The following PTP4A2 variants were observed in gnomAD, a reference collection of about 807,000 sequenced individuals.
The protein encoded by PTP4A2 is protein tyrosine phosphatase type IVA 2.
A neutral mutation model predicts 22.9 loss-of-function variants in PTP4A2; 2 were observed. That is an observed-to-expected ratio of 0.09 (90% CI 0.04 to 0.27). The LOEUF is 0.27. Among genes scored for constraint, PTP4A2 ranks in the 10% least tolerant of loss-of-function variants. The probability of loss-of-function intolerance (pLI) is 1.00; values close to 1 mark genes in which losing one functional copy is unlikely to be tolerated. For missense variants in PTP4A2, 103 were observed against 205.1 expected (o/e 0.50, Z 3.04); for synonymous variants, 68 against 69.1 (o/e 0.98, Z 0.08).
chr1:31,910,315 G>GTACCC, intron 4 of PTP4A2: 1 of 477,218 alleles, frequency 2.1e-6, no homozygotes, highest in Non-Finnish European at 3.8e-6. Flanking sequence ...AGGGGACAGG[G>GTACCC]TCTCGCTCTA....
chr1:31,906,757 C>CACACACACACAT lies in PTP4A2; in HGVS notation c.*2094_*2095insATGTGTGTGTGT, dbSNP rs1651188465. 3.9e-5 allele frequency: 1 copy of CACACACACACAT among 25,376 alleles called. No homozygotes were observed. The highest frequency in any genetic ancestry group is 1.1e-4 in the Non-Finnish European group (1 of 8,828). 1.6% of individuals were successfully genotyped at this position (25,376 alleles called of 1,614,324 possible). A position where few individuals can be genotyped will look rare whatever the true frequency, so the allele number is the denominator to read the frequency against. ...GCGTGCACACACACACACACACATA[C>CACACACACACAT]ACACACACACACACACACACACACA... On this transcript the variant is annotated 3_prime_UTR_variant, in exon 6 of 6. Coordinates refer to ENST00000647444, the MANE Select transcript of PTP4A2 (RefSeq NM_080391.4).
At chr1:31,926,458 A>G (rs960178170) in intron 1 of PTP4A2, among the ~76,000 whole-genome samples, 3 of 152,184 alleles carry the variant, frequency 2.0e-5, no homozygotes, top group Admixed American at 2.0e-4. Flanking sequence ...TGGTTTCAAC[A>G]ATCAGTCAAC....
At position 31,908,135 on chromosome 1, in the gene PTP4A2, TTATATTATATATATATATATA is replaced by T. The variant is rs1651295067; in HGVS notation, c.*696_*716del. 24 of 3,964 alleles carry T rather than the reference TTATATTATATATATATATATA, an allele frequency of 6.1e-3. 5 individuals are homozygous for T. The highest frequency in any genetic ancestry group is 9.8e-3 in the South Asian group (1 of 102). The allele number at this position is 3,964 out of a possible 1,614,324, so 0.2% of individuals were successfully genotyped here. ...GAAAATATATATATATATATATATATTATATTATATATATATATATATATATATATATATATATATATATAT... is the reference window on the plus strand; with the variant it reads ...GAAAATATATATATATATATATATATTATATATATATATATATATATATAT... On this transcript the variant is annotated 3_prime_UTR_variant, in exon 6 of 6. Transcript: ENST00000647444.
Position 31,907,731 on chromosome 1 carries a change from GT to G in PTP4A2, c.*1120del, listed in dbSNP as rs1212047044. ...CTTTGACGGTTCCTGAAAATTCAGA[GT>G]ACAAGTCCTAAAATAAAAATTTTAA... On this transcript the variant is annotated 3_prime_UTR_variant, in exon 6 of 6. Coordinates refer to ENST00000647444, the MANE Select transcript of PTP4A2 (RefSeq NM_080391.4). 6.6e-6 allele frequency: 1 copy of G among 152,046 alleles called. No individual in the cohort carries two copies. The highest frequency in any genetic ancestry group is 1.5e-5 in the Non-Finnish European group (1 of 68,000). The allele number at this position is 152,046 out of a possible 1,614,324, so 9.4% of individuals were successfully genotyped here.
chr1:31,907,274 T>A lies in PTP4A2; in HGVS notation c.*1578A>T, dbSNP rs1023201850. The A allele has an allele frequency of 1.3e-5, 2 of 152,224 alleles. No homozygotes were observed. The highest frequency in any genetic ancestry group is 4.8e-5 in the African/African-American group (2 of 41,442). 9.4% of individuals were successfully genotyped at this position (152,224 alleles called of 1,614,324 possible). On this transcript the variant is annotated 3_prime_UTR_variant, in exon 6 of 6. Transcript: ENST00000647444. ...CAGAGCCCTAGAAGCAGGGCACTACTGAGTACGTAATATTTAGAGGTGAAA... is the reference window on the plus strand; with the variant it reads ...CAGAGCCCTAGAAGCAGGGCACTACAGAGTACGTAATATTTAGAGGTGAAA...
chr1:31,916,064 G>A (rs1651813925), intron 2 of PTP4A2, 77 bp from the exon 3 acceptor site: 1 of 981,414 alleles, frequency 1.0e-6, no homozygotes, highest in African/African-American at 1.7e-5. Flanking sequence ...TACTATTATA[G>A]GCCGGGCGGG....
chr1:31,922,920 C>T (rs1341731962), intron 1 of PTP4A2, among the ~76,000 whole-genome samples: 1 of 151,804 alleles, frequency 6.6e-6, no homozygotes, highest in African/African-American at 2.4e-5. Flanking sequence ...CCGTGCCCGG[C>T]CCAAATACTT....
At chr1:31,918,629 G>A (rs1488287415) in intron 2 of PTP4A2, among the ~76,000 whole-genome samples, 2 of 152,186 alleles carry the variant, frequency 1.3e-5, no homozygotes, top group Admixed American at 1.3e-4. Context: ...GTGACCTTAA[G>A]CACAAACACT....
chr1:31,926,149 A>T (rs56914021), intron 1 of PTP4A2, among the ~76,000 whole-genome samples: 8,218 of 131,156 alleles, frequency 0.063, 405 homozygotes, highest in East Asian at 0.12. Context: ...AAAAAAAAAA[A>T]ATATATATAT....
chr1:31,932,247 G>C (rs1236775601), intron 1 of PTP4A2, among the ~76,000 whole-genome samples: 1 of 152,116 alleles, frequency 6.6e-6, no homozygotes, highest in Non-Finnish European at 1.5e-5. Flanking sequence ...GTCTTGAGAA[G>C]ACTAAAAGTT....
intron 1 of PTP4A2, among the ~76,000 whole-genome samples, chr1:31,924,963 T>C (rs1381147847): frequency 1.3e-5 from 2 of 152,060 alleles, no homozygotes; most frequent in Non-Finnish European, 2.9e-5. Flanking sequence ...TGATATGAAA[T>C]GACAGCTAAA....
At chr1:31,911,895 C>G (rs1375165130) in intron 3 of PTP4A2, 69 bp from the exon 4 acceptor site, 2 of 1,257,980 alleles carry the variant, frequency 1.6e-6, no homozygotes, top group East Asian at 5.0e-5. Flanking sequence ...TACAGAATAC[C>G]TGCACACAGT....
At position 31,908,821 on chromosome 1, in the gene PTP4A2, CA is replaced by C; in HGVS notation, c.*30del. On this transcript the variant is annotated 3_prime_UTR_variant, in exon 6 of 6. Transcript: ENST00000647444. ...TACCAAGAGTTCCCTCTAAATGGCA[CA>C]ATCAAGTCAGCCTTCGTTTACATTT... is the stretch of plus-strand genomic sequence containing the variant. 1 of 1,508,736 alleles carries C rather than the reference CA, an allele frequency of 6.6e-7. No homozygotes were observed. Among genetic ancestry groups the C allele is most frequent in the Non-Finnish European group, 9.2e-7 (1 of 1,088,874 alleles). 93.5% of individuals were successfully genotyped at this position (1,508,736 alleles called of 1,614,324 possible).
chr1:31,922,620 TTCTTTCTTTC>T (rs1301176238), intron 1 of PTP4A2, among the ~76,000 whole-genome samples: 1 of 149,530 alleles, frequency 6.7e-6, no homozygotes, highest in Non-Finnish European at 1.5e-5. Flanking sequence ...CTTTCTTTCT[TTCTTTCTTTC>T]TTTCTTTTAT....
At chr1:31,915,318 T>C (rs1323776531) in intron 3 of PTP4A2, among the ~76,000 whole-genome samples, 2 of 152,122 alleles carry the variant, frequency 1.3e-5, no homozygotes, top group Non-Finnish European at 1.5e-5. Flanking sequence ...TATTTTCCAC[T>C]ACAACCTTAA....
At chr1:31,914,888 A>G (rs1651742670) in intron 3 of PTP4A2, among the ~76,000 whole-genome samples, 1 of 152,230 alleles carries the variant, frequency 6.6e-6, no homozygotes, top group African/African-American at 2.4e-5. Flanking sequence ...TAATCATACT[A>G]AAGCTCCTCA....
intron 2 of PTP4A2, among the ~76,000 whole-genome samples, chr1:31,916,345 C>CA (rs1167002913): frequency 0.15 from 5,122 of 35,232 alleles, 669 homozygotes; most frequent in Non-Finnish European, 0.22. Flanking sequence ...ACTCCGTCTC[C>CA]AAAAAAAAAA....
chr1:31,928,967 T>C lies in PTP4A2; in HGVS notation c.-594+9020A>G, dbSNP rs140055528. ...TCTGAGAACAGTGACAGTTATTCACTGAAGTCCTGTGGGCCCTGTTCCCAC... is the reference window on the plus strand; with the variant it reads ...TCTGAGAACAGTGACAGTTATTCACCGAAGTCCTGTGGGCCCTGTTCCCAC... On this transcript the variant is annotated intron_variant, in intron 1 of 5. Coordinates refer to ENST00000647444, the MANE Select transcript of PTP4A2 (RefSeq NM_080391.4). Among the ~76,000 whole-genome samples the C allele has an allele frequency of 9.8e-5, 15 of 152,296 alleles. No homozygotes were observed. The East Asian group carries it at 2.9e-3, about 29-fold the overall frequency.
At chr1:31,928,840 T>C (rs759848237) in intron 1 of PTP4A2, among the ~76,000 whole-genome samples, 1 of 152,144 alleles carries the variant, frequency 6.6e-6, no homozygotes, top group Non-Finnish European at 1.5e-5. Flanking sequence ...AATCATGACC[T>C]TGATGGTGGG....
Sources: allele counts gnomAD v4.1 joint callset (sites outside exome capture counted in the v4.1 genomes callset), GRCh38; gene constraint gnomAD v4.1.1; transcripts MANE v1.5; gene names NCBI Gene and HGNC (gene_info 2026-07-23, HGNC 2026-07-21).